Variants in AUTS2 observed in about 807,000 individuals in gnomAD.
AUTS2 encodes the protein activator of transcription and developmental regulator AUTS2, also known as autism susceptibility gene 2 protein.
AUTS2 carries 17 observed loss-of-function variants against 112.4 expected under a neutral mutation model. The ratio of observed to expected loss-of-function variants is 0.15; its 90% CI spans 0.10 to 0.23. The LOEUF is 0.23. Ranked by LOEUF, AUTS2 falls within the 10% of genes least tolerant of loss-of-function variation. AUTS2 has a pLI of 1.00. For synonymous variants in AUTS2, 751 were observed against 702.7 expected, an observed-to-expected ratio of 1.07 and a Z score of -1.09; for missense variants, 1,510 against 1,701.6, an observed-to-expected ratio of 0.89 and a Z score of 1.98.
chr7:70,540,966 A>G (rs999439102), intron 5 of AUTS2, among the ~76,000 whole-genome samples: 3 of 152,244 alleles, frequency 2.0e-5, no homozygotes, highest in African/African-American at 4.8e-5. Flanking sequence ...CAGGCACCCC[A>G]TGGAAACCTC....
At chr7:70,006,474 A>C (rs533119503) in intron 2 of AUTS2, among the ~76,000 whole-genome samples, 2 of 152,278 alleles carry the variant, frequency 1.3e-5, no homozygotes, top group East Asian at 3.9e-4. Flanking sequence ...AAACACTGGA[A>C]CATGGGCTGC....
At chr7:69,686,334 TAGAA>T (rs751737801) in intron 1 of AUTS2, among the ~76,000 whole-genome samples, 2 of 152,164 alleles carry the variant, frequency 1.3e-5, no homozygotes, top group Non-Finnish European at 2.9e-5. Context: ...GGGTTCATAA[TAGAA>T]AGTAACACAT....
In AUTS2 at chr7:70,065,589, C is replaced by T. The variant is rs534660856; in HGVS notation, c.523-52543C>T. 3.3e-5 allele frequency among the ~76,000 whole-genome samples: 5 copies of T among 152,070 alleles called. No homozygotes were observed. The South Asian group carries it at 1.0e-3, about 32-fold the overall frequency. On this transcript the variant is annotated intron_variant, in intron 2 of 18. Coordinates refer to ENST00000342771, the MANE Select transcript of AUTS2 (RefSeq NM_015570.4). ...CACCATGCCTGTAATACCAGCTACTCAGGAGGCTGAGGCAGGAGAATTGCT... is the reference window on the plus strand; with the variant it reads ...CACCATGCCTGTAATACCAGCTACTTAGGAGGCTGAGGCAGGAGAATTGCT...
At chr7:69,733,725 G>T (rs995772636) in intron 1 of AUTS2, among the ~76,000 whole-genome samples, 1 of 152,078 alleles carries the variant, frequency 6.6e-6, no homozygotes, top group Non-Finnish European at 1.5e-5. Context: ...TTAGTGTGGG[G>T]GTACTGTTCC....
At chr7:70,652,045 G>A (rs575097334) in intron 5 of AUTS2, among the ~76,000 whole-genome samples, 40 of 152,236 alleles carry the variant, frequency 2.6e-4, no homozygotes, top group African/African-American at 7.9e-4. Context: ...ACGGTTGCAC[G>A]TTGCTCTAAT....
intron 5 of AUTS2, among the ~76,000 whole-genome samples, chr7:70,438,628 G>A (rs1191855879): frequency 1.3e-5 from 2 of 152,188 alleles, no homozygotes; most frequent in African/African-American, 2.4e-5. Flanking sequence ...ATTGTCTGGT[G>A]TTTATCGCCA....
chr7:69,975,870 T>C (rs1214000318), intron 2 of AUTS2, among the ~76,000 whole-genome samples: 1 of 151,954 alleles, frequency 6.6e-6, no homozygotes, highest in Non-Finnish European at 1.5e-5. Context: ...GTATTTTTAG[T>C]AGAGACAGGG....
At chr7:70,670,270 G>A (rs898654759) in intron 5 of AUTS2, among the ~76,000 whole-genome samples, 1 of 152,046 alleles carries the variant, frequency 6.6e-6, no homozygotes, top group Non-Finnish European at 1.5e-5. Flanking sequence ...GGGAAGGAAG[G>A]CTTACAAATG....
At chr7:70,701,720 G>A (rs1242987104) in intron 6 of AUTS2, among the ~76,000 whole-genome samples, 1 of 152,170 alleles carries the variant, frequency 6.6e-6, no homozygotes. Flanking sequence ...ATTGAGCAGG[G>A]CTTAGCGTTG....
chr7:69,808,798 G>A (rs548588489), intron 1 of AUTS2, among the ~76,000 whole-genome samples: 1 of 152,214 alleles, frequency 6.6e-6, no homozygotes, highest in African/African-American at 2.4e-5. Flanking sequence ...TCAAGATCCA[G>A]GGTGAACCAG....
intron 1 of AUTS2, among the ~76,000 whole-genome samples, chr7:69,782,600 G>T (rs1362728151): frequency 6.6e-6 from 1 of 151,858 alleles, no homozygotes; most frequent in Non-Finnish European, 1.5e-5. Context: ...CAAAGTCCCT[G>T]GTTGGTATGC....
chr7:70,668,299 G>T (rs1807452401), intron 5 of AUTS2, among the ~76,000 whole-genome samples: 1 of 152,132 alleles, frequency 6.6e-6, no homozygotes, highest in Non-Finnish European at 1.5e-5. Context: ...TTTCTAAAAA[G>T]CTCCCAGGCA....
At chr7:70,232,157 A>C in intron 4 of AUTS2, among the ~76,000 whole-genome samples, 1 of 152,158 alleles carries the variant, frequency 6.6e-6, no homozygotes, top group Non-Finnish European at 1.5e-5. Context: ...TTTACTCAAC[A>C]TAGTAACTTT....
At chr7:69,668,478 A>G (rs1796172184) in intron 1 of AUTS2, among the ~76,000 whole-genome samples, 1 of 152,214 alleles carries the variant, frequency 6.6e-6, no homozygotes, top group Non-Finnish European at 1.5e-5. Context: ...CCCATCCACT[A>G]TTACTTTACA....
chr7:70,682,490 G>A (rs1242258113), intron 5 of AUTS2, among the ~76,000 whole-genome samples: 10 of 152,086 alleles, frequency 6.6e-5, no homozygotes, highest in Admixed American at 1.3e-4. Context: ...TGTTGTTGCC[G>A]TGATTTATTT....
intron 2 of AUTS2, among the ~76,000 whole-genome samples, chr7:70,084,837 G>A (rs571588418): frequency 2.0e-4 from 30 of 151,898 alleles, no homozygotes; most frequent in African/African-American, 3.6e-4. Flanking sequence ...TCTTAACAGC[G>A]TCTTACAAGA....
chr7:70,615,754 T>C (rs557410989), intron 5 of AUTS2, among the ~76,000 whole-genome samples: 21 of 152,266 alleles, frequency 1.4e-4, no homozygotes, highest in African/African-American at 5.1e-4. Flanking sequence ...CAGTGTGTTC[T>C]GTTCAAATTT....
intron 1 of AUTS2, among the ~76,000 whole-genome samples, chr7:69,619,080 G>A (rs1583951700): frequency 6.6e-6 from 1 of 152,242 alleles, no homozygotes; most frequent in African/African-American, 2.4e-5. Context: ...TCAGATGCCT[G>A]GTACCAAGCC....
chr7:70,640,275 G>A (rs1403807126), intron 5 of AUTS2, among the ~76,000 whole-genome samples: 2 of 151,828 alleles, frequency 1.3e-5, no homozygotes, highest in Admixed American at 6.6e-5. Context: ...GGTTGGTGGT[G>A]GCCCGGATGG....
Sources: allele counts gnomAD v4.1 joint callset (sites outside exome capture counted in the v4.1 genomes callset), GRCh38; gene constraint gnomAD v4.1.1; transcripts MANE v1.5; gene names NCBI Gene and HGNC (gene_info 2026-07-23, HGNC 2026-07-21).